STOX2: variants seen among roughly 807,000 people sequenced by gnomAD.
STOX2 encodes storkhead-box protein 2.
In STOX2, 28 loss-of-function variants were observed where a neutral mutation model predicts 60.9. The observed-to-expected ratio is 0.46, with a 90% CI of 0.34 to 0.63. The LOEUF (loss-of-function observed/expected upper bound fraction) is 0.63, where lower values mean the gene tolerates loss of function less well. Among genes scored for constraint, STOX2 ranks in the 30% least tolerant of loss-of-function variants. The pLI, the probability that STOX2 is intolerant of heterozygous loss-of-function variation, is 0.01. For missense variants in STOX2, 1,024 were observed against 1,187.7 expected (o/e 0.86, Z 2.03); for synonymous variants, 472 against 463.9 (o/e 1.02, Z -0.22).
intron 1 of STOX2, among the ~76,000 whole-genome samples, chr4:183,891,283 T>C (rs1433732660): frequency 1.0e-5 from 1 of 100,344 alleles, no homozygotes; most frequent in Admixed American, 1.1e-4. Flanking sequence ...TGTGTATGTG[T>C]GTATATGATG....
chr4:183,882,810 A>G (rs936080746), intron 1 of STOX2, among the ~76,000 whole-genome samples: 2 of 152,244 alleles, frequency 1.3e-5, no homozygotes, highest in Non-Finnish European at 2.9e-5. Flanking sequence ...GCTTAAGGTC[A>G]CAAAGCTAGA....
chr4:183,967,031 G>A (rs563733170), intron 1 of STOX2, among the ~76,000 whole-genome samples: 7 of 152,308 alleles, frequency 4.6e-5, no homozygotes, highest in African/African-American at 1.7e-4. Context: ...GCAGTAAAGT[G>A]TAGTTGTTAT....
chr4:183,964,285 A>T (rs561141703), intron 1 of STOX2, among the ~76,000 whole-genome samples: 1 of 152,296 alleles, frequency 6.6e-6, no homozygotes, highest in Non-Finnish European at 1.5e-5. Context: ...TGATTTTCAG[A>T]TCTTTGTGAC....
intron 1 of STOX2, among the ~76,000 whole-genome samples, chr4:183,863,626 G>A (rs1040952003): frequency 1.3e-5 from 2 of 152,040 alleles, no homozygotes; most frequent in African/African-American, 4.8e-5. Context: ...CTTGTTCTTC[G>A]GGACTCTAGG....
intron 1 of STOX2, among the ~76,000 whole-genome samples, chr4:183,889,787 A>G (rs986435654): frequency 1.2e-4 from 19 of 152,188 alleles, no homozygotes; most frequent in African/African-American, 4.3e-4. Context: ...CCTCCTTTCC[A>G]TATATATGTG....
At chr4:183,810,234 T>TA (rs1739004377) in intron 1 of STOX2, among the ~76,000 whole-genome samples, 2 of 152,166 alleles carry the variant, frequency 1.3e-5, no homozygotes, top group African/African-American at 4.8e-5. Flanking sequence ...AATGAGTTGG[T>TA]AAAATGCTCA....
chr4:183,987,404 T>C (rs1732892037), intron 1 of STOX2, among the ~76,000 whole-genome samples: 1 of 152,168 alleles, frequency 6.6e-6, no homozygotes, highest in South Asian at 2.1e-4. Flanking sequence ...TGATTCAGCC[T>C]GGGGTTCACA....
chr4:183,963,933 G>C (rs911220174), intron 1 of STOX2, among the ~76,000 whole-genome samples: 1 of 151,016 alleles, frequency 6.6e-6, no homozygotes, highest in Non-Finnish European at 1.5e-5. Flanking sequence ...CCACCACCAC[G>C]CCCGGCTTAT....
chr4:183,887,125 G>C (rs749528462), intron 1 of STOX2, among the ~76,000 whole-genome samples: 1 of 152,094 alleles, frequency 6.6e-6, no homozygotes. Context: ...TTAGTCTGGC[G>C]TAGTGGTGCA....
At chr4:183,914,751 TGAACTCA>T (rs1291437591) in intron 1 of STOX2, among the ~76,000 whole-genome samples, 1 of 152,188 alleles carries the variant, frequency 6.6e-6, no homozygotes, top group Non-Finnish European at 1.5e-5. Flanking sequence ...TTGGATTCCA[TGAACTCA>T]GAGCCCTCCT....
intron 1 of STOX2, among the ~76,000 whole-genome samples, chr4:183,875,679 T>C (rs533282533): frequency 2.6e-5 from 4 of 152,340 alleles, no homozygotes; most frequent in Admixed American, 2.6e-4. Context: ...ACTTAAAACC[T>C]GGGTCTTGAG....
chr4:183,938,654 G>A (rs915094569), intron 1 of STOX2, among the ~76,000 whole-genome samples: 2 of 129,222 alleles, frequency 1.5e-5, no homozygotes, highest in Non-Finnish European at 1.6e-5. Context: ...GGGCAACAGA[G>A]TGAGACTCCG....
intron 1 of STOX2, among the ~76,000 whole-genome samples, chr4:183,851,021 AGAAACGATGAGG>A (rs1740112724): frequency 3.4e-5 from 4 of 116,816 alleles, no homozygotes; most frequent in Non-Finnish European, 3.7e-5. Context: ...AAAGGATGAG[AGAAACGATGAGG>A]GAAAGGATGA....
intron 1 of STOX2, among the ~76,000 whole-genome samples, chr4:183,949,992 G>A (rs1282858212): frequency 6.6e-6 from 1 of 152,158 alleles, no homozygotes. Flanking sequence ...TTAACACCAT[G>A]AATTAAAAGT....
At chr4:183,949,735 A>C (rs559163638) in intron 1 of STOX2, among the ~76,000 whole-genome samples, 9 of 152,162 alleles carry the variant, frequency 5.9e-5, no homozygotes, top group Non-Finnish European at 1.3e-4. Flanking sequence ...CTTAATTTAA[A>C]TACCAATACA....
intron 1 of STOX2, among the ~76,000 whole-genome samples, chr4:183,920,029 A>C (rs1742053325): frequency 6.6e-6 from 1 of 152,218 alleles, no homozygotes; most frequent in African/African-American, 2.4e-5. Flanking sequence ...CAAATGTAAA[A>C]AAATTTCAGA....
At chr4:183,918,186 C>T (rs574324448) in intron 1 of STOX2, among the ~76,000 whole-genome samples, 1 of 152,284 alleles carries the variant, frequency 6.6e-6, no homozygotes, top group East Asian at 1.9e-4. Flanking sequence ...ATATTTGGTA[C>T]TCATTTATCA....
Position 184,009,684 on chromosome 4 carries a change from G to C in STOX2, c.846G>C (p.Gln282His). ...RLSFKKDKTK[Q>H]LANFSAQFPP... The stretch of plus-strand genomic sequence containing the variant: ...GTTTTAAAAAAGACAAGACCAAACA[G>C]CTGGCCAATTTTTCTGCCCAGTTTC... The change falls in exon 3 of 4, where the codon CAG (glutamine) becomes CAC (histidine). Residue 282 changes from glutamine to histidine, a missense_variant. By Grantham distance (24) the Gln-to-His change is conservative (BLOSUM62 0). Coordinates refer to ENST00000308497, the MANE Select transcript of STOX2 (RefSeq NM_020225.3). This position sits in a 1 kb window ranked among gnomAD's most constrained non-coding sequence, Gnocchi z 4.0. 2 of 1,613,826 alleles carry C rather than the reference G, an allele frequency of 1.2e-6. No homozygotes were observed. The highest frequency in any genetic ancestry group is 1.1e-5 in the South Asian group (1 of 91,050).
At chr4:183,946,767 A>G (rs1024543507) in intron 1 of STOX2, among the ~76,000 whole-genome samples, 1 of 152,056 alleles carries the variant, frequency 6.6e-6, no homozygotes, top group Admixed American at 6.6e-5. Flanking sequence ...CTGGGATTAC[A>G]GGTGCGTGCC....
Sources: allele counts gnomAD v4.1 joint callset (sites outside exome capture counted in the v4.1 genomes callset), GRCh38; gene constraint gnomAD v4.1.1; non-coding constraint Gnocchi (gnomAD v3.1); transcripts MANE v1.5; gene names NCBI Gene and HGNC (gene_info 2026-07-23, HGNC 2026-07-21).